OSBP2: variants seen among roughly 807,000 people sequenced by gnomAD.
OSBP2 encodes the protein oxysterol-binding protein 2.
In OSBP2, 66 loss-of-function variants were observed where a neutral mutation model predicts 96.0. The observed-to-expected ratio is 0.69, with a 90% confidence interval of 0.56 to 0.84. OSBP2 has a LOEUF of 0.84. OSBP2 is among the 40% of genes least tolerant of loss of function. The pLI is 0.00. For missense variants in OSBP2, 1,038 were observed against 1,222.7 expected, an observed-to-expected ratio of 0.85 and a Z score of 2.25; for synonymous variants, 525 against 520.9, an observed-to-expected ratio of 1.01 and a Z score of -0.11.
At chr22:30,747,195 G>A (rs1322763321) in intron 2 of OSBP2, among the ~76,000 whole-genome samples, 3 of 152,216 alleles carry the variant, frequency 2.0e-5, no homozygotes, top group African/African-American at 7.2e-5. Context: ...GCAGACTAGT[G>A]GTTTGTAGGA....
At chr22:30,731,925 G>T (rs1437750410) in intron 1 of OSBP2, among the ~76,000 whole-genome samples, 1 of 152,178 alleles carries the variant, frequency 6.6e-6, no homozygotes, top group African/African-American at 2.4e-5. Flanking sequence ...CCAGCACTCT[G>T]GCTGGTCTGT....
intron 2 of OSBP2, among the ~76,000 whole-genome samples, chr22:30,753,125 AG>A (rs1323634587): frequency 1.3e-5 from 2 of 152,146 alleles, no homozygotes; most frequent in Non-Finnish European, 2.9e-5. Context: ...CTCAAACTTC[AG>A]GAGCAAGGTG....
At chr22:30,901,715 ATT>A (rs1234913262) in intron 12 of OSBP2, among the ~76,000 whole-genome samples, 1 of 151,850 alleles carries the variant, frequency 6.6e-6, no homozygotes, top group Non-Finnish European at 1.5e-5. Context: ...AAATATAAAA[ATT>A]AGCCAGGCGT....
chr22:30,784,256 A>AT (rs577599507), intron 2 of OSBP2, among the ~76,000 whole-genome samples: 1,545 of 151,964 alleles, frequency 0.01, 22 homozygotes, highest in African/African-American at 0.032. Flanking sequence ...TTATTTATTT[A>AT]TTAATTTATT....
rs1346260795 is a variant in OSBP2, at chr22:30,890,517, C to T, written c.1624-211C>T. Among the ~76,000 whole-genome samples, 2 of 152,152 alleles carry T rather than the reference C, an allele frequency of 1.3e-5. No individual in the cohort carries two copies. The highest frequency in any genetic ancestry group is 3.9e-4 in the East Asian group (2 of 5,184). On this transcript the variant is annotated intron_variant, in intron 7 of 13. Transcript: ENST00000332585. The surrounding 1 kb of genome is among the most constrained non-coding windows in gnomAD (Gnocchi z 4.4). ...ATAAAAGTGTGTAGGATGCAGCAGA[C>T]CAGAAAGTGGGAAGGGCTGTGGAGA...
At chr22:30,902,116 A>C (rs12167104) in intron 12 of OSBP2, 2,674 of 135,160 alleles carry the variant, frequency 0.02, 13 homozygotes, top group East Asian at 0.11. Context: ...ATAAGAAAAA[A>C]AAAAAAAACG....
rs1489493319 is a variant in OSBP2 at position 30,808,771 on chromosome 22, G to A, written c.854-61658G>A. Among the ~76,000 whole-genome samples the A allele has an allele frequency of 9.9e-5, 15 of 152,190 alleles. No individual in the cohort carries two copies. The East Asian group carries it at 2.9e-3, about 30-fold the overall frequency. On this transcript the variant is annotated intron_variant, in intron 2 of 13. Coordinates refer to ENST00000332585, the MANE Select transcript of OSBP2 (RefSeq NM_030758.4). ...AGATCGAGACCATCCTGGCTAACAT[G>A]GTGAAACCCCATCTCTACTAAAAAT... is the stretch of plus-strand genomic sequence containing the variant.
intron 1 of OSBP2, among the ~76,000 whole-genome samples, chr22:30,735,701 ATTCTTCTTC>A (rs538843733): frequency 2.0e-5 from 3 of 151,190 alleles, no homozygotes; most frequent in African/African-American, 4.9e-5. Context: ...GGCTGAAGCG[ATTCTTCTTC>A]TTCTTCTTCT....
chr22:30,742,238 C>T (rs1339250236), intron 2 of OSBP2, among the ~76,000 whole-genome samples: 3 of 151,830 alleles, frequency 2.0e-5, no homozygotes, highest in Admixed American at 6.6e-5. Flanking sequence ...TGAGACCAGC[C>T]TAGCCAACAT....
At chr22:30,864,337 G>A (rs2039284948) in intron 2 of OSBP2, among the ~76,000 whole-genome samples, 1 of 152,200 alleles carries the variant, frequency 6.6e-6, no homozygotes, top group Non-Finnish European at 1.5e-5. Context: ...GAGCCCAAAG[G>A]AGGGAGCCTG....
chr22:30,808,589 A>G (rs2090963168), intron 2 of OSBP2, among the ~76,000 whole-genome samples: 1 of 152,212 alleles, frequency 6.6e-6, no homozygotes, highest in Non-Finnish European at 1.5e-5. Context: ...GTCTTTGCAG[A>G]TGGAATCAAG....
chr22:30,893,060 G>A (rs2039983245), intron 8 of OSBP2, 62 bp from the exon 9 acceptor site: 3 of 1,595,206 alleles, frequency 1.9e-6, no homozygotes, highest in Non-Finnish European at 2.6e-6. Flanking sequence ...CTCCCTGGCT[G>A]GGGCAAGTGG....
chr22:30,794,749 A>T (rs2145831437), intron 2 of OSBP2, among the ~76,000 whole-genome samples: 1 of 149,870 alleles, frequency 6.7e-6, no homozygotes, highest in South Asian at 2.2e-4. Flanking sequence ...GTGAGCCGAG[A>T]TTGCATCACT....
At position 30,880,606 on chromosome 22, in the gene OSBP2, A is replaced by AG. The variant is rs556393566; in HGVS notation, c.1108-6817dup. On this transcript the variant is annotated intron_variant, in intron 3 of 13. Transcript: ENST00000332585. Reference sequence around the variant, plus strand: ...TCCAGGAAGCCACTGAAGGCCAGACAGGGTCCTGGCTCTGCATGCTCCCAA... The same window carrying AG: ...TCCAGGAAGCCACTGAAGGCCAGACAGGGGTCCTGGCTCTGCATGCTCCCAA... Among the ~76,000 whole-genome samples, 14 of 152,284 alleles carry AG rather than the reference A, an allele frequency of 9.2e-5. No individual in the cohort carries two copies. In the South Asian group the frequency reaches 2.9e-3, roughly 32 times the overall value.
intron 1 of OSBP2, among the ~76,000 whole-genome samples, chr22:30,719,835 A>G (rs1384662041): frequency 6.6e-6 from 1 of 152,180 alleles, no homozygotes; most frequent in Non-Finnish European, 1.5e-5. Context: ...AGCCTGGACA[A>G]CATAGAACCC....
intron 1 of OSBP2, among the ~76,000 whole-genome samples, chr22:30,736,101 A>C (rs145244532): frequency 4.8e-4 from 73 of 152,054 alleles, no homozygotes; most frequent in African/African-American, 1.7e-3. Flanking sequence ...TTTAGTGGAG[A>C]TGGGGTTTCA....
chr22:30,890,774 A>T lies in OSBP2; in HGVS notation c.1670A>T (p.Asp557Val). ...TCCATGCTCCAGCGGCTGACAGAGGACCTGGAGTACCACCACCTGCTGGAC... is the reference window on the plus strand; with the variant it reads ...TCCATGCTCCAGCGGCTGACAGAGGTCCTGGAGTACCACCACCTGCTGGAC... ...PLSMLQRLTE[D>V]LEYHHLLDKA... The change falls in exon 8 of 14, where the codon GAC becomes GTC. Residue 557 changes from aspartate (D) to valine (V), a missense_variant. Coordinates refer to ENST00000332585, the MANE Select transcript of OSBP2 (RefSeq NM_030758.4). This position sits in a 1 kb window ranked among gnomAD's most constrained non-coding sequence, Gnocchi z 4.4. 1 of 1,613,346 alleles carries T rather than the reference A, an allele frequency of 6.2e-7. No homozygotes were observed. The highest frequency in any genetic ancestry group is 8.5e-7 in the Non-Finnish European group (1 of 1,179,958).
Position 30,695,417 on chromosome 22 carries a change from G to T in OSBP2, c.508G>T (p.Gly170Cys), listed in dbSNP as rs769957599. The change falls in exon 1 of 14, where the codon GGC (glycine) becomes TGC (cysteine). Residue 170 changes from glycine (G) to cysteine (C), a missense_variant. Gly to Cys is a radical substitution (Grantham distance 159). Transcript: ENST00000332585. Reference protein sequence around the residue: ...TPLGVPMSGTGTTSSAPLALL... With the variant: ...TPLGVPMSGTCTTSSAPLALL... Reference sequence around the variant, plus strand: ...TCTTGGGGTTCCAATGTCGGGGACTGGCACGACCTCCAGTGCCCCACTGGC... The same window carrying T: ...TCTTGGGGTTCCAATGTCGGGGACTTGCACGACCTCCAGTGCCCCACTGGC... 2 of 1,613,804 alleles carry T rather than the reference G, an allele frequency of 1.2e-6. No homozygotes were observed. The highest frequency in any genetic ancestry group is 1.7e-6 in the Non-Finnish European group (2 of 1,180,024).
rs1251219159 is a variant in OSBP2, at chr22:30,893,166, G to C, written c.1914G>C (p.Lys638Asn). Residue 638 changes from lysine (K) to asparagine (N), a missense_variant, in exon 9 of 14, where the codon AAG becomes AAC. This residue lies in a region of OSBP2 where 737 missense variants were observed against 913.3 expected (regional missense o/e 0.81). Transcript: ENST00000332585. ...CAGCTGCGCACTACGTGTTCTCCAA[G>C]CATGGCTGGAGCCTCTGGCAGGAGA... Reference protein sequence around the residue: ...PPSAAHYVFSKHGWSLWQEIT... With the variant: ...PPSAAHYVFSNHGWSLWQEIT... The C allele has an allele frequency of 6.2e-7, 1 of 1,613,932 alleles. No homozygotes were observed. The highest frequency in any genetic ancestry group is 1.3e-5 in the African/African-American group (1 of 74,946).
Sources: gnomAD v4.1 joint callset for allele counts (sites outside exome capture counted in the v4.1 genomes callset) on GRCh38, gnomAD v4.1.1 for gene constraint, gnomAD v4.1.1 regional missense constraint, Gnocchi (gnomAD v3.1) non-coding constraint, MANE v1.5 for transcripts, NCBI Gene and HGNC (gene_info 2026-07-23, HGNC 2026-07-21) for gene names.